The following EXOC7 variants were observed in gnomAD, a reference collection of about 807,000 sequenced individuals.
The protein encoded by EXOC7 is exocyst complex component Exo70.
A neutral mutation model predicts 87.6 loss-of-function variants in EXOC7; 51 were observed. That is an observed-to-expected ratio of 0.58 (90% CI 0.46 to 0.73). The LOEUF is 0.73. EXOC7 is among the 30% of genes least tolerant of loss of function. The pLI, the probability that EXOC7 is intolerant of heterozygous loss-of-function variation, is 0.00. For synonymous variants in EXOC7, 327 were observed against 357.1 expected (o/e 0.92, Z 0.95); for missense variants, 744 against 888.4 (o/e 0.84, Z 2.07).
rs756430658 is a variant in EXOC7, at chr17:76,103,731, C to T, written c.-39G>A. The T allele has an allele frequency of 3.2e-6, 5 of 1,565,376 alleles. No individual in the cohort carries two copies. Among genetic ancestry groups the T allele is most frequent in the African/African-American group, 1.4e-5 (1 of 73,178 alleles). On this transcript the variant is annotated 5_prime_UTR_variant, in exon 1 of 19. Coordinates refer to ENST00000589210, the MANE Select transcript of EXOC7 (RefSeq NM_001013839.4). ...GCGGCTCCCACTCCCCAGTATCTTTCCTCCGCGGGCCCACCGGGCCCCCGT... is the reference window on the plus strand; with the variant it reads ...GCGGCTCCCACTCCCCAGTATCTTTTCTCCGCGGGCCCACCGGGCCCCCGT...
Position 76,101,262 on chromosome 17 carries a change from A to G in EXOC7, c.417+9T>C. The G allele has an allele frequency of 1.9e-6, 3 of 1,613,568 alleles. No homozygotes were observed. Among genetic ancestry groups the G allele is most frequent in the Non-Finnish European group, 2.5e-6 (3 of 1,179,912 alleles). ...CCAAGCTTCTCACGTTATTCTGCGG[A>G]CCCCTTACCACTTTGTTGAGTTCCG... On this transcript the variant is annotated intron_variant, in intron 4 of 18. Transcript: ENST00000589210.
chr17:76,084,211 A>C, intron 17 of EXOC7, 37 bp downstream of exon 17: 1 of 1,605,810 alleles, frequency 6.2e-7, no homozygotes, highest in East Asian at 2.2e-5. Flanking sequence ...CCTCAACAGC[A>C]GCAGCAAGCA....
chr17:76,100,493 C>G (rs1005018762), intron 4 of EXOC7, among the ~76,000 whole-genome samples: 1 of 151,490 alleles, frequency 6.6e-6, no homozygotes, highest in Non-Finnish European at 1.5e-5. Context: ...AAAAATTAGC[C>G]GAGAGTGGTG....
intron 14 of EXOC7, 40 bp downstream of exon 14, chr17:76,085,637 G>T: frequency 6.2e-7 from 1 of 1,613,778 alleles, no homozygotes. Flanking sequence ...CAGCCGAGGG[G>T]AAGGTGAGAG....
At chr17:76,094,893 G>C (rs1450018489) in intron 5 of EXOC7, among the ~76,000 whole-genome samples, 1 of 151,808 alleles carries the variant, frequency 6.6e-6, no homozygotes, top group African/African-American at 2.4e-5. Flanking sequence ...TTACAGGCGT[G>C]AGTCACCATG....
chr17:76,087,339 G>A (rs2067256774), intron 12 of EXOC7: 2 of 453,632 alleles, frequency 4.4e-6, no homozygotes, highest in Admixed American at 3.8e-5. Flanking sequence ...AGACACGAGA[G>A]AAGGATTTGG....
intron 5 of EXOC7, 75 bp from the exon 6 acceptor site, chr17:76,094,656 G>T: frequency 6.9e-7 from 1 of 1,445,296 alleles, no homozygotes; most frequent in Non-Finnish European, 9.5e-7. Flanking sequence ...ATGTCTACCT[G>T]TCAAACCTGT....
Position 76,081,751 on chromosome 17 carries a change from G to C in EXOC7, c.*1897C>G. On this transcript the variant is annotated 3_prime_UTR_variant, in exon 19 of 19. Transcript: ENST00000589210. ...CCAGCTCCTCCTCCTGCAACCCACT[G>C]CTCAGTAAGCCCTGCTCCCTTACCC... 1 of 1,613,994 alleles carries C rather than the reference G, an allele frequency of 6.2e-7. No individual in the cohort carries two copies. Among genetic ancestry groups the C allele is most frequent in the Non-Finnish European group, 8.5e-7 (1 of 1,179,944 alleles).
chr17:76,090,924 A>C (rs1164348968), intron 7 of EXOC7: 2 of 592,640 alleles, frequency 3.4e-6, no homozygotes, highest in Non-Finnish European at 6.0e-6. Flanking sequence ...GGGAAGCCTC[A>C]GGGAGGGCAG....
chr17:76,087,820 G>T, intron 11 of EXOC7, 100 bp from the exon 12 acceptor site: 1 of 1,322,880 alleles, frequency 7.6e-7, no homozygotes. Context: ...CCAGGGCTGG[G>T]ATCCGCCCAG....
intron 15 of EXOC7, 79 bp from the exon 16 acceptor site, chr17:76,084,659 T>G: frequency 7.1e-6 from 9 of 1,273,684 alleles, no homozygotes; most frequent in South Asian, 1.3e-5. Context: ...GCTAAATCTC[T>G]GGATCTACTT....
chr17:76,103,376 C>T lies in EXOC7; in HGVS notation c.111G>A (p.Gln37=). ...FIRDSLEKSD[Q]LTKNMVSILS... ...GGAGACTCACCATGTTCTTAGTGAG[C>T]TGGTCGCTCTTCTCCAGGCTGTCTC... Residue 37 remains glutamine (Q), a synonymous_variant, in exon 2 of 19, where the codon CAG becomes CAA. Coordinates refer to ENST00000589210, the MANE Select transcript of EXOC7 (RefSeq NM_001013839.4). 1 of 1,604,316 alleles carries T rather than the reference C, an allele frequency of 6.2e-7. No homozygotes were observed.
rs376048833 is a variant in EXOC7, at chr17:76,088,178, C to T, written c.1300-56G>A. On this transcript the variant is annotated intron_variant, in intron 10 of 18. Transcript: ENST00000589210. ...GCAGCCCCCAGCCCACCCCATGCCC[C>T]AGTGCACCTGCTCATGGTGCCGCCT... is the stretch of plus-strand genomic sequence containing the variant. 20 of 1,560,962 alleles carry T rather than the reference C, an allele frequency of 1.3e-5. No individual in the cohort carries two copies. In the African/African-American group the frequency reaches 2.4e-4, roughly 19 times the overall value.
At chr17:76,093,513 T>C (rs1316976659) in intron 6 of EXOC7, 1 of 152,774 alleles carries the variant, frequency 6.5e-6, no homozygotes, top group Non-Finnish European at 1.5e-5. Flanking sequence ...TACCCAAAGC[T>C]TGTTGTCATA....
At chr17:76,097,082 A>C (rs2067794990) in intron 5 of EXOC7, among the ~76,000 whole-genome samples, 1 of 152,046 alleles carries the variant, frequency 6.6e-6, no homozygotes, top group Non-Finnish European at 1.5e-5. Flanking sequence ...TCCTGAGCTG[A>C]AGCGATCCAC....
chr17:76,084,693 G>T, intron 15 of EXOC7, 113 bp from the exon 16 acceptor site: 1 of 862,692 alleles, frequency 1.2e-6, no homozygotes, highest in Non-Finnish European at 1.9e-6. Context: ...AGGAAGGGAT[G>T]TGGGTCACAA....
In EXOC7 at chr17:76,082,139, C is replaced by T; in HGVS notation, c.*1509G>A. 4 of 1,414,702 alleles carry T rather than the reference C, an allele frequency of 2.8e-6. No individual in the cohort carries two copies. In the South Asian group the frequency reaches 4.0e-5, roughly 14 times the overall value. The allele number at this position is 1,414,702 out of a possible 1,614,324, so 87.6% of individuals were successfully genotyped here. A position where few individuals can be genotyped will look rare whatever the true frequency, so the allele number is the denominator to read the frequency against. On this transcript the variant is annotated 3_prime_UTR_variant, in exon 19 of 19. Transcript: ENST00000589210. ...CGGAGGTCCAGGTGTGGGTAGAGGC[C>T]CCTTGCATCCACCCTGCTGGCTCTC...
chr17:76,101,083 A>C, intron 4 of EXOC7, 188 bp downstream of exon 4: 1 of 1,139,194 alleles, frequency 8.8e-7, no homozygotes, highest in Non-Finnish European at 1.1e-6. Context: ...GTTTTATAAT[A>C]AAGAATTTTT....
chr17:76,090,387 A>T, intron 7 of EXOC7: 1 of 1,551,708 alleles, frequency 6.4e-7, no homozygotes, highest in Non-Finnish European at 8.7e-7. Context: ...CTCGGAAATC[A>T]TGCTCGTGAC....
Sources: allele counts gnomAD v4.1 joint callset (sites outside exome capture counted in the v4.1 genomes callset), GRCh38; gene constraint gnomAD v4.1.1; transcripts MANE v1.5; gene names NCBI Gene and HGNC (gene_info 2026-07-23, HGNC 2026-07-21).